The following GNB1 variants were observed in gnomAD, a reference collection of about 807,000 sequenced individuals.
GNB1 encodes the protein guanine nucleotide-binding protein G(I)/G(S)/G(T) subunit beta-1.
A neutral mutation model predicts 42.9 loss-of-function variants in GNB1; 2 were observed. The observed-to-expected ratio is 0.05, with a 90% CI of 0.02 to 0.15. GNB1 has a LOEUF of 0.15. Ranked by LOEUF, GNB1 falls within the 10% of genes least tolerant of loss-of-function variation. GNB1 has a pLI of 1.00. For synonymous variants in GNB1, 183 were observed against 174.7 expected, an observed-to-expected ratio of 1.05 and a Z score of -0.38; for missense variants, 193 against 462.2, an observed-to-expected ratio of 0.42 and a Z score of 5.34.
intron 1 of GNB1, among the ~76,000 whole-genome samples, chr1:1,873,595 C>T (rs1649366879): frequency 6.6e-6 from 1 of 152,232 alleles, no homozygotes; most frequent in South Asian, 2.1e-4. Context: ...GATGTAAGGC[C>T]ATGACAATAT....
intron 1 of GNB1, among the ~76,000 whole-genome samples, chr1:1,882,444 AAAAAAAG>A (rs1220046957): frequency 1.1e-4 from 16 of 151,564 alleles, no homozygotes; most frequent in East Asian, 1.9e-4. Context: ...AAAAAAAAAA[AAAAAAAG>A]AGAGAAGGTG....
intron 1 of GNB1, among the ~76,000 whole-genome samples, chr1:1,889,095 C>CT (rs879040596): frequency 9.2e-5 from 14 of 152,232 alleles, no homozygotes; most frequent in Admixed American, 3.3e-4. Context: ...GCTCCTCCCT[C>CT]TCCCAAAAGA....
intron 2 of GNB1, among the ~76,000 whole-genome samples, chr1:1,830,262 T>C (rs1647057369): frequency 6.6e-6 from 1 of 151,230 alleles, no homozygotes. Flanking sequence ...AAAATAATAT[T>C]ACATTTTTTT....
chr1:1,857,475 C>T (rs1307097035), intron 1 of GNB1, among the ~76,000 whole-genome samples: 2 of 152,178 alleles, frequency 1.3e-5, no homozygotes, highest in Admixed American at 6.5e-5. Context: ...GTCTCCTCTG[C>T]ACCAACTCAC....
At chr1:1,871,059 C>T (rs1649219714) in intron 1 of GNB1, among the ~76,000 whole-genome samples, 1 of 152,204 alleles carries the variant, frequency 6.6e-6, no homozygotes, top group Non-Finnish European at 1.5e-5. Context: ...AGGTGGTCTC[C>T]TCTTCCATCT....
intron 5 of GNB1, among the ~76,000 whole-genome samples, chr1:1,811,081 A>ATTT (rs70937196): frequency 6.8e-5 from 5 of 73,146 alleles, no homozygotes; most frequent in African/African-American, 1.8e-4. Flanking sequence ...ATATATATAT[A>ATTT]TTTTTTTTTT....
At chr1:1,835,095 T>C (rs1227097570) in intron 2 of GNB1, among the ~76,000 whole-genome samples, 1 of 152,182 alleles carries the variant, frequency 6.6e-6, no homozygotes, top group Non-Finnish European at 1.5e-5. Flanking sequence ...CAAACTACAA[T>C]GAATACTATG....
chr1:1,846,197 T>C (rs1647656799), intron 1 of GNB1, among the ~76,000 whole-genome samples: 1 of 150,412 alleles, frequency 6.6e-6, no homozygotes, highest in African/African-American at 2.5e-5. Flanking sequence ...CACAAGCACA[T>C]GGTAACATAT....
At chr1:1,822,034 C>A (rs1032544252) in intron 3 of GNB1, among the ~76,000 whole-genome samples, 1 of 152,110 alleles carries the variant, frequency 6.6e-6, no homozygotes, top group African/African-American at 2.4e-5. Flanking sequence ...ACTCGGGAGG[C>A]TGCAGTGAGC....
chr1:1,872,081 A>G (rs555473364), intron 1 of GNB1, among the ~76,000 whole-genome samples: 50 of 151,552 alleles, frequency 3.3e-4, no homozygotes, highest in Non-Finnish European at 7.1e-4. Flanking sequence ...AGCTCACTGC[A>G]AACTCCAACT....
At chr1:1,804,730 G>A (rs2100702184) in intron 6 of GNB1, 149 bp from the exon 7 acceptor site, 1 of 614,266 alleles carries the variant, frequency 1.6e-6, no homozygotes, top group East Asian at 2.8e-5. Context: ...CCCATATGTG[G>A]CCACTCAGGT....
At chr1:1,840,105 G>A (rs527818063) in intron 1 of GNB1, among the ~76,000 whole-genome samples, 8 of 151,970 alleles carry the variant, frequency 5.3e-5, no homozygotes, top group African/African-American at 1.7e-4. Context: ...GCAGGCACCT[G>A]TAACCCCAGC....
chr1:1,804,289 A>G lies in GNB1; in HGVS notation c.430+130T>C, dbSNP rs992405204. 7.8e-6 allele frequency: 5 copies of G among 642,870 alleles called. No individual in the cohort carries two copies. The African/African-American group carries it at 9.2e-5, about 12-fold the overall frequency. The allele number at this position is 642,870 out of a possible 1,614,324, so 39.8% of individuals were successfully genotyped here. The stretch of plus-strand genomic sequence containing the variant: ...ACTCCAGCCTGGGTGACAGAGCGAG[A>G]CTCCGCCTCAAAAAAAATAATTAAT... On this transcript the variant is annotated intron_variant, in intron 7 of 11. Coordinates refer to ENST00000378609, the MANE Select transcript of GNB1 (RefSeq NM_002074.5).
chr1:1,806,085 TATG>T (rs770902983), intron 6 of GNB1, among the ~76,000 whole-genome samples: 3 of 152,218 alleles, frequency 2.0e-5, no homozygotes, highest in Non-Finnish European at 4.4e-5. Flanking sequence ...CACTTTAAAG[TATG>T]ATGTCTTTCA....
chr1:1,888,982 G>A (rs958146139), intron 1 of GNB1, among the ~76,000 whole-genome samples: 1 of 152,140 alleles, frequency 6.6e-6, no homozygotes, highest in South Asian at 2.1e-4. Flanking sequence ...AGCAAAGAAG[G>A]AACCGCCTAT....
At chr1:1,861,306 A>AT (rs1553203672) in intron 1 of GNB1, among the ~76,000 whole-genome samples, 1 of 151,890 alleles carries the variant, frequency 6.6e-6, no homozygotes. Context: ...ACACAAAAAA[A>AT]TTTTTTAAAA....
At chr1:1,836,409 T>TGA (rs1647150877) in intron 2 of GNB1, among the ~76,000 whole-genome samples, 1 of 77,608 alleles carries the variant, frequency 1.3e-5, no homozygotes, top group Non-Finnish European at 3.1e-5. Context: ...TTTTTTTTTT[T>TGA]GACACAGGGT....
chr1:1,799,519 C>CA (rs1478580785), intron 7 of GNB1, among the ~76,000 whole-genome samples: 2 of 152,182 alleles, frequency 1.3e-5, no homozygotes, highest in East Asian at 3.8e-4. Context: ...GGTGCTGCGT[C>CA]AGACAGAGCT....
intron 8 of GNB1, among the ~76,000 whole-genome samples, chr1:1,791,232 C>T (rs1407858368): frequency 1.3e-5 from 2 of 148,640 alleles, no homozygotes; most frequent in South Asian, 2.1e-4. Flanking sequence ...AGTGCAATGG[C>T]GCGATCTTGG....
Sources: gnomAD v4.1 joint callset for allele counts (sites outside exome capture counted in the v4.1 genomes callset) on GRCh38, gnomAD v4.1.1 for gene constraint, MANE v1.5 for transcripts, NCBI Gene and HGNC (gene_info 2026-07-23, HGNC 2026-07-21) for gene names.